Variants in ACYP2 observed in about 807,000 individuals in gnomAD.
ACYP2 encodes acylphosphatase 2, also known as acylphosphatase-2.
In ACYP2, 12 loss-of-function variants were observed where a neutral mutation model predicts 11.2. That is an observed-to-expected ratio of 1.08 (90% CI 0.69 to 1.74). The LOEUF (loss-of-function observed/expected upper bound fraction) is 1.74, where lower values mean the gene tolerates loss of function less well. Among genes scored for constraint, ACYP2 ranks in the 40% most tolerant of loss-of-function variants. ACYP2 has a pLI of 0.00. For missense variants in ACYP2, 134 were observed against 101.9 expected (o/e 1.31, Z -1.35); for synonymous variants, 43 against 32.2 (o/e 1.33, Z -1.13).
intron 5 of ACYP2, among the ~76,000 whole-genome samples, 163 bp downstream of exon 2, chr2:54,135,632 T>A (rs1350540171): frequency 1.3e-5 from 2 of 152,228 alleles, no homozygotes; most frequent in Non-Finnish European, 2.9e-5. Context: ...CTGATTGAGA[T>A]TTTTATTAAT....
At chr2:54,216,009 T>A (rs946392491) in intron 6 of ACYP2, among the ~76,000 whole-genome samples, 6 of 152,218 alleles carry the variant, frequency 3.9e-5, no homozygotes, top group African/African-American at 1.4e-4. Flanking sequence ...TATTTTTAAA[T>A]TATTCAGCTC....
At chr2:54,267,368 G>A in intron 6 of ACYP2, 1 of 1,544,620 alleles carries the variant, frequency 6.5e-7, no homozygotes, top group Non-Finnish European at 8.7e-7. Context: ...GAATTCAGGT[G>A]AGAGGTTTCT....
chr2:54,000,997 T>A (rs1191647017), intron 2 of ACYP2, among the ~76,000 whole-genome samples: 2 of 152,206 alleles, frequency 1.3e-5, no homozygotes, highest in African/African-American at 4.8e-5. Context: ...AACTATAGCA[T>A]AGCTTAAACC....
chr2:54,158,730 GTAAAC>G (rs1419253842), intron 6 of ACYP2, among the ~76,000 whole-genome samples: 2 of 152,088 alleles, frequency 1.3e-5, no homozygotes, highest in African/African-American at 4.8e-5. Flanking sequence ...AACATACTGA[GTAAAC>G]TAAGGCCTCG....
At chr2:54,025,579 A>G (rs1674239898) in intron 2 of ACYP2, among the ~76,000 whole-genome samples, 2 of 152,222 alleles carry the variant, frequency 1.3e-5, no homozygotes, top group South Asian at 4.1e-4. Flanking sequence ...AATCAACTCA[A>G]GATGGATCAA....
At chr2:54,194,238 C>A (rs1360579191) in intron 6 of ACYP2, among the ~76,000 whole-genome samples, 1 of 152,112 alleles carries the variant, frequency 6.6e-6, no homozygotes, top group East Asian at 1.9e-4. Flanking sequence ...TGGGGTTTCA[C>A]CATGTTGGCC....
At chr2:54,039,366 C>T (rs1203840835) in intron 2 of ACYP2, among the ~76,000 whole-genome samples, 1 of 151,472 alleles carries the variant, frequency 6.6e-6, no homozygotes, top group East Asian at 1.9e-4. Flanking sequence ...GATCTTGGCT[C>T]AAGCAACCTC....
intron 4 of ACYP2, among the ~76,000 whole-genome samples, chr2:54,113,775 T>C (rs750227105): frequency 2.0e-5 from 3 of 152,192 alleles, no homozygotes; most frequent in Non-Finnish European, 4.4e-5. Flanking sequence ...TTTAAACCTC[T>C]GTACTGAGAG....
chr2:54,005,792 T>C (rs1459746001), intron 2 of ACYP2, among the ~76,000 whole-genome samples: 2 of 152,212 alleles, frequency 1.3e-5, no homozygotes, highest in Non-Finnish European at 2.9e-5. Flanking sequence ...TCCTTCAATA[T>C]TGTGTTGGCT....
chr2:54,176,060 A>C (rs182272945), intron 6 of ACYP2, among the ~76,000 whole-genome samples: 27 of 152,268 alleles, frequency 1.8e-4, no homozygotes, highest in Admixed American at 5.9e-4. Context: ...TTGGTGCCTC[A>C]ATCTTGGAAT....
intron 2 of ACYP2, among the ~76,000 whole-genome samples, chr2:53,992,017 C>A (rs367676722): frequency 1.8e-4 from 27 of 151,486 alleles, no homozygotes; most frequent in African/African-American, 6.1e-4. Flanking sequence ...AGAGCTCTTG[C>A]CCCTCTTTCC....
At chr2:54,180,073 G>A (rs1683641413) in intron 6 of ACYP2, among the ~76,000 whole-genome samples, 1 of 152,036 alleles carries the variant, frequency 6.6e-6, no homozygotes, top group Non-Finnish European at 1.5e-5. Flanking sequence ...GTAGCTCATA[G>A]AACTTGGAAA....
intron 4 of ACYP2, among the ~76,000 whole-genome samples, chr2:54,119,050 T>TC (rs1679986744): frequency 2.9e-5 from 3 of 102,488 alleles, no homozygotes; most frequent in Non-Finnish European, 5.8e-5. Context: ...ATCTTAGTAG[T>TC]CTTTTTTTTT....
intron 6 of ACYP2, among the ~76,000 whole-genome samples, chr2:54,302,510 G>A (rs144450376): frequency 7.0e-4 from 106 of 152,240 alleles, no homozygotes; most frequent in African/African-American, 2.5e-3. Flanking sequence ...TACAGTCATT[G>A]GACCTATCTT....
At chr2:53,987,395 T>C (rs997632920) in intron 2 of ACYP2, among the ~76,000 whole-genome samples, 3 of 152,104 alleles carry the variant, frequency 2.0e-5, no homozygotes, top group African/African-American at 7.2e-5. Flanking sequence ...CAGACTTCTT[T>C]ACAAAGTGTA....
At chr2:54,255,869 C>T (rs776617090) in intron 6 of ACYP2, 2 of 1,613,906 alleles carry the variant, frequency 1.2e-6, no homozygotes, top group East Asian at 2.2e-5. Flanking sequence ...AGGCCCTCCG[C>T]GGGTGGTGGA....
chr2:54,059,006 T>G (rs1333243141), intron 4 of ACYP2, among the ~76,000 whole-genome samples: 1 of 152,078 alleles, frequency 6.6e-6, no homozygotes, highest in Non-Finnish European at 1.5e-5. Context: ...TGGTTGGAGA[T>G]GTTATTTGTG....
intron 6 of ACYP2, among the ~76,000 whole-genome samples, chr2:54,279,061 T>C (rs971387366): frequency 6.6e-6 from 1 of 152,204 alleles, no homozygotes; most frequent in Non-Finnish European, 1.5e-5. Context: ...AATGCCACAG[T>C]AAAATTTTCT....
chr2:54,215,234 T>C (rs1347590044), intron 6 of ACYP2, among the ~76,000 whole-genome samples: 1 of 152,162 alleles, frequency 6.6e-6, no homozygotes, highest in Non-Finnish European at 1.5e-5. Flanking sequence ...TTGGAATCCT[T>C]TTATTTCTTT....
Sources: allele counts gnomAD v4.1 joint callset (sites outside exome capture counted in the v4.1 genomes callset), GRCh38; gene constraint gnomAD v4.1.1; transcripts MANE v1.5; gene names NCBI Gene and HGNC (gene_info 2026-07-23, HGNC 2026-07-21).